ADAMTS3: variants seen among roughly 807,000 people sequenced by gnomAD.
ADAMTS3 encodes ADAM metallopeptidase with thrombospondin type 1 motif 3.
Under a neutral mutation model 129.0 loss-of-function variants are expected in ADAMTS3, and 73 were observed. That is an observed-to-expected ratio of 0.57 (90% confidence interval 0.47 to 0.69). The LOEUF is 0.69. Among genes scored for constraint, ADAMTS3 ranks in the 30% least tolerant of loss-of-function variants. The pLI is 0.00. For synonymous variants in ADAMTS3, 477 were observed against 510.8 expected, an observed-to-expected ratio of 0.93 and a Z score of 0.89; for missense variants, 1,457 against 1,514.5, an observed-to-expected ratio of 0.96 and a Z score of 0.63.
intron 3 of ADAMTS3, among the ~76,000 whole-genome samples, chr4:72,495,400 T>C (rs1480744677): frequency 3.9e-5 from 6 of 152,036 alleles, no homozygotes; most frequent in Admixed American, 6.6e-5. Context: ...TGCTCTCAGA[T>C]GGGGTGGGGT....
intron 3 of ADAMTS3, among the ~76,000 whole-genome samples, chr4:72,520,997 T>C (rs1720657428): frequency 6.6e-6 from 1 of 151,514 alleles, no homozygotes; most frequent in South Asian, 2.1e-4. Flanking sequence ...CCTCCCCACT[T>C]TTTTTCTTTT....
intron 3 of ADAMTS3, among the ~76,000 whole-genome samples, chr4:72,500,333 AT>A (rs1719981733): frequency 2.0e-5 from 3 of 151,952 alleles, no homozygotes. Flanking sequence ...GTGAGATGGT[AT>A]TTCCTTGTGG....
At chr4:72,475,689 A>G (rs1015827197) in intron 3 of ADAMTS3, among the ~76,000 whole-genome samples, 1 of 152,046 alleles carries the variant, frequency 6.6e-6, no homozygotes, top group African/African-American at 2.4e-5. Context: ...CTACTGAAGA[A>G]TAGGAAACTA....
intron 3 of ADAMTS3, among the ~76,000 whole-genome samples, chr4:72,470,711 G>A (rs776380674): frequency 2.6e-5 from 4 of 151,966 alleles, no homozygotes; most frequent in Admixed American, 6.6e-5. Context: ...AGGCAATGGT[G>A]AGTTAAACTG....
At chr4:72,296,460 T>C (rs914638321) in intron 18 of ADAMTS3, among the ~76,000 whole-genome samples, 14 of 152,078 alleles carry the variant, frequency 9.2e-5, no homozygotes, top group Admixed American at 7.2e-4. Context: ...ATATTTGTAA[T>C]TATGTATATA....
At chr4:72,305,890 A>G (rs535117120) in intron 16 of ADAMTS3, 97 bp downstream of exon 16, 20 of 1,013,454 alleles carry the variant, frequency 2.0e-5, no homozygotes, top group South Asian at 1.1e-4. Context: ...GTATGCACAT[A>G]TATGTGTACA....
At chr4:72,461,650 C>T (rs767597800) in intron 3 of ADAMTS3, among the ~76,000 whole-genome samples, 16 of 151,888 alleles carry the variant, frequency 1.1e-4, no homozygotes, top group Non-Finnish European at 2.1e-4. Context: ...AACTGATACT[C>T]TTAACACCTT....
At chr4:72,469,945 A>C (rs370461888) in intron 3 of ADAMTS3, among the ~76,000 whole-genome samples, 1 of 152,182 alleles carries the variant, frequency 6.6e-6, no homozygotes, top group African/African-American at 2.4e-5. Flanking sequence ...CTTCCAGGCA[A>C]CAGTAAGCTA....
In ADAMTS3 at chr4:72,298,268, A is replaced by C. The variant is rs1475884117; in HGVS notation, c.2590+9T>G. 1.9e-6 allele frequency: 3 copies of C among 1,610,192 alleles called. No individual in the cohort carries two copies. Among genetic ancestry groups the C allele is most frequent in the Non-Finnish European group, 2.5e-6 (3 of 1,177,852 alleles). Reference sequence around the variant, plus strand: ...ACATTTTAATATAATAAATGTGTTCAATGGTTACCTCCACCACAGGGTTTG... The same window carrying C: ...ACATTTTAATATAATAAATGTGTTCCATGGTTACCTCCACCACAGGGTTTG... On this transcript the variant is annotated intron_variant, in intron 18 of 21. Coordinates refer to ENST00000286657, the MANE Select transcript of ADAMTS3 (RefSeq NM_014243.3).
chr4:72,460,258 C>A (rs1437106793), intron 3 of ADAMTS3, among the ~76,000 whole-genome samples: 1 of 151,440 alleles, frequency 6.6e-6, no homozygotes, highest in Admixed American at 6.6e-5. Flanking sequence ...TCTAGTTTCT[C>A]TTACTTTTTT....
chr4:72,308,386 G>C lies in ADAMTS3; in HGVS notation c.2179+1011C>G, dbSNP rs78178675. On this transcript the variant is annotated intron_variant, in intron 15 of 21. Coordinates refer to ENST00000286657, the MANE Select transcript of ADAMTS3 (RefSeq NM_014243.3). The stretch of plus-strand genomic sequence containing the variant: ...TGGGAATAAAAAATACAAAAACTAA[G>C]AGAATTATTTCATTTGGATGAAGAC... 4.6e-3 allele frequency among the ~76,000 whole-genome samples: 695 copies of C among 151,988 alleles called. 9 individuals are homozygous for C. Among genetic ancestry groups the C allele is most frequent in the African/African-American group, 0.016 (677 of 41,522 alleles).
chr4:72,319,399 C>A lies in ADAMTS3; in HGVS notation c.1285G>T (p.Val429Leu). 6.2e-7 allele frequency: 1 copy of A among 1,613,922 alleles called. No homozygotes were observed. ...TGGTAACGATGGAATGCTGCTTGTA[C>A]CAAGGGAGCCATGACACTTCCCATA... ...TAMGSVMAPLVQAAFHRYHWS... is the reference protein window; with the variant it reads ...TAMGSVMAPLLQAAFHRYHWS... The change falls in exon 9 of 22, where the codon GTA becomes TTA. Residue 429 changes from valine to leucine, a missense_variant. By Grantham distance (32) the Val-to-Leu change is conservative. Transcript: ENST00000286657.
rs1343271439 is a variant in ADAMTS3, at chr4:72,528,523, A to C, written c.504+19955T>G. On this transcript the variant is annotated intron_variant, in intron 3 of 21. Coordinates refer to ENST00000286657, the MANE Select transcript of ADAMTS3 (RefSeq NM_014243.3). Reference sequence around the variant, plus strand: ...GTTTGTCAATTAAAAGTGAAAACTAAAAAAAAAAAAAAAAAACAGATGCTG... The same window carrying C: ...GTTTGTCAATTAAAAGTGAAAACTACAAAAAAAAAAAAAAAACAGATGCTG... Among the ~76,000 whole-genome samples the C allele has an allele frequency of 2.8e-5, 3 of 108,424 alleles. No homozygotes were observed. The East Asian group carries it at 9.1e-4, about 33-fold the overall frequency. 71.1% of individuals were successfully genotyped at this position (108,424 alleles called of 152,430 possible). A position where few individuals can be genotyped will look rare whatever the true frequency, so the allele number is the denominator to read the frequency against.
At chr4:72,372,972 T>C (rs182701494) in intron 4 of ADAMTS3, among the ~76,000 whole-genome samples, 34 of 152,304 alleles carry the variant, frequency 2.2e-4, no homozygotes, top group Middle Eastern at 6.8e-3. Context: ...TTTAATTCCA[T>C]ACATATTTTG....
chr4:72,311,026 T>C (rs777291428), intron 14 of ADAMTS3, 22 bp downstream of exon 14: 4 of 1,570,528 alleles, frequency 2.5e-6, no homozygotes, highest in Non-Finnish European at 3.5e-6. Context: ...AGAAAGCCTT[T>C]GGGGAAGCAA....
intron 3 of ADAMTS3, among the ~76,000 whole-genome samples, chr4:72,497,880 A>C (rs1483143564): frequency 6.6e-6 from 1 of 152,112 alleles, no homozygotes; most frequent in African/African-American, 2.4e-5. Context: ...GCTAAAGATA[A>C]GTCAGTTATC....
chr4:72,518,337 T>C (rs939096059), intron 3 of ADAMTS3, among the ~76,000 whole-genome samples: 7 of 152,210 alleles, frequency 4.6e-5, no homozygotes, highest in Admixed American at 6.5e-5. Flanking sequence ...GAGAGTTCTG[T>C]AGATGTCTAT....
intron 3 of ADAMTS3, among the ~76,000 whole-genome samples, chr4:72,448,441 C>T (rs1299049799): frequency 6.6e-6 from 1 of 151,756 alleles, no homozygotes; most frequent in African/African-American, 2.4e-5. Flanking sequence ...ACCAAAGCAT[C>T]GGTAACAAAC....
chr4:72,488,315 T>C (rs1407818461), intron 3 of ADAMTS3, among the ~76,000 whole-genome samples: 3 of 151,986 alleles, frequency 2.0e-5, no homozygotes, highest in Non-Finnish European at 4.4e-5. Context: ...ATATTCCAGA[T>C]TACACTGCTA....
Sources: allele counts gnomAD v4.1 joint callset (sites outside exome capture counted in the v4.1 genomes callset), GRCh38; gene constraint gnomAD v4.1.1; transcripts MANE v1.5; gene names NCBI Gene and HGNC (gene_info 2026-07-23, HGNC 2026-07-21).